ETFBKMT: variants seen among roughly 807,000 people sequenced by gnomAD.
The protein encoded by ETFBKMT is electron transfer flavoprotein subunit beta lysine methyltransferase.
ETFBKMT carries 13 observed loss-of-function variants against 18.3 expected under a neutral mutation model. That is an observed-to-expected ratio of 0.71 (90% CI 0.46 to 1.13). The LOEUF (loss-of-function observed/expected upper bound fraction) is 1.13. Ranked by LOEUF, ETFBKMT falls within the 50% of genes most tolerant of loss-of-function variation. The pLI is 0.00. For missense variants in ETFBKMT, 293 were observed against 306.2 expected (o/e 0.96, Z 0.32); for synonymous variants, 84 against 107.9 (o/e 0.78, Z 1.37).
chr12:31,663,946 C>A (rs936424011), intron 2 of ETFBKMT, among the ~76,000 whole-genome samples: 22 of 151,872 alleles, frequency 1.4e-4, no homozygotes, highest in African/African-American at 5.3e-4. Flanking sequence ...CTACTGCAAC[C>A]CCTTTCCACT....
At chr12:31,658,243 T>C (rs1951078894), upstream of ETFBKMT, among the ~76,000 whole-genome samples, 1 of 152,130 alleles carries the variant, frequency 6.6e-6, no homozygotes. Flanking sequence ...TGTGTGGTAA[T>C]GAAAAGTTAT....
At chr12:31,653,560 G>A (rs954429965) in intron 1 of ETFBKMT, among the ~76,000 whole-genome samples, 4 of 152,244 alleles carry the variant, frequency 2.6e-5, no homozygotes, top group African/African-American at 9.6e-5. Flanking sequence ...CACAGACACG[G>A]TGCCCATAGA....
chr12:31,669,160 G>C lies in ETFBKMT; in HGVS notation c.*1170G>C, dbSNP rs1249231383. On this transcript the variant is annotated 3_prime_UTR_variant, in exon 4 of 4. Transcript: ENST00000357721. ...ATATTACAGGCTAAATTTTCCTCTAGTGTCCTGGCTATTGTCTCCTCTGTT... is the reference window on the plus strand; with the variant it reads ...ATATTACAGGCTAAATTTTCCTCTACTGTCCTGGCTATTGTCTCCTCTGTT... 1 of 152,168 alleles carries C rather than the reference G, an allele frequency of 6.6e-6. No homozygotes were observed. The highest frequency in any genetic ancestry group is 1.5e-5 in the Non-Finnish European group (1 of 68,030). 9.4% of individuals were successfully genotyped at this position (152,168 alleles called of 1,614,324 possible).
At chr12:31,648,130 A>G (rs1006413911) in intron 1 of ETFBKMT, among the ~76,000 whole-genome samples, 1 of 152,226 alleles carries the variant, frequency 6.6e-6, no homozygotes, top group African/African-American at 2.4e-5. Flanking sequence ...TGTTTATCAC[A>G]GATGAATGGA....
At chr12:31,664,893 C>G (rs1256972466) in intron 2 of ETFBKMT, among the ~76,000 whole-genome samples, 15 of 150,090 alleles carry the variant, frequency 1.0e-4, no homozygotes, top group Admixed American at 1.0e-3. Flanking sequence ...GGATTACAGG[C>G]GTGAGCCACC....
intron 1 of ETFBKMT, among the ~76,000 whole-genome samples, chr12:31,654,136 A>G (rs1951040179): frequency 6.6e-6 from 1 of 151,722 alleles, no homozygotes; most frequent in South Asian, 2.1e-4. Context: ...TGCAACCTCC[A>G]CCTCCCGGGT....
intron 1 of ETFBKMT, among the ~76,000 whole-genome samples, chr12:31,653,906 C>T (rs1951038007): frequency 6.6e-6 from 1 of 151,784 alleles, no homozygotes; most frequent in South Asian, 2.1e-4. Flanking sequence ...TGAGATAGCG[C>T]TACTGCACTC....
rs563048607 is a variant in ETFBKMT at position 31,668,315 on chromosome 12, T to C, written c.*325T>C. 37 of 211,812 alleles carry C rather than the reference T, an allele frequency of 1.7e-4. No homozygotes were observed. Among genetic ancestry groups the C allele is most frequent in the Non-Finnish European group, 3.3e-4 (36 of 107,782 alleles). 13.1% of individuals were successfully genotyped at this position (211,812 alleles called of 1,614,324 possible). On this transcript the variant is annotated 3_prime_UTR_variant, in exon 4 of 4. Coordinates refer to ENST00000357721, the MANE Select transcript of ETFBKMT (RefSeq NM_001135863.2). Reference sequence around the variant, plus strand: ...AAGAATTAAACATTGTAGCTGGATCTGTTTCTGTAGTCGAGGACAACTGTG... The same window carrying C: ...AAGAATTAAACATTGTAGCTGGATCCGTTTCTGTAGTCGAGGACAACTGTG...
chr12:31,665,813 T>G (rs1295477759), intron 2 of ETFBKMT, among the ~76,000 whole-genome samples: 1 of 152,272 alleles, frequency 6.6e-6, no homozygotes, highest in Admixed American at 6.5e-5. Flanking sequence ...GAGCATGTCC[T>G]TAAGGCACAG....
At chr12:31,654,981 G>A (rs1195688469), upstream of ETFBKMT, among the ~76,000 whole-genome samples, 5 of 151,786 alleles carry the variant, frequency 3.3e-5, no homozygotes, top group South Asian at 4.2e-4. Context: ...GCTTGAACCC[G>A]GGAGGAGAAG....
At chr12:31,667,368 A>T (rs1392514805) in intron 3 of ETFBKMT, among the ~76,000 whole-genome samples, 1 of 152,052 alleles carries the variant, frequency 6.6e-6, no homozygotes, top group South Asian at 2.1e-4. Flanking sequence ...CAGTAAAAAA[A>T]CAAAATCTTT....
At chr12:31,659,332 T>C (rs1316871182), upstream of ETFBKMT, 1 of 152,234 alleles carries the variant, frequency 6.6e-6, no homozygotes, top group African/African-American at 2.4e-5. Context: ...GCCCTATGCT[T>C]TACTTCCGAG....
upstream of ETFBKMT, chr12:31,659,656 T>G (rs2139617255): frequency 6.6e-6 from 1 of 152,278 alleles, no homozygotes; most frequent in Middle Eastern, 3.4e-3. Flanking sequence ...CGTTGTGTGA[T>G]TCAAGTGACA....
At chr12:31,648,947 G>A (rs1950992415) in intron 1 of ETFBKMT, among the ~76,000 whole-genome samples, 2 of 151,978 alleles carry the variant, frequency 1.3e-5, no homozygotes, top group African/African-American at 4.8e-5. Flanking sequence ...AAAGTGCTGG[G>A]ATTACAGGCA....
chr12:31,661,685 A>T (rs1434171338), intron 1 of ETFBKMT, among the ~76,000 whole-genome samples, 156 bp from the exon 2 acceptor site: 2 of 152,074 alleles, frequency 1.3e-5, no homozygotes, highest in Non-Finnish European at 2.9e-5. Context: ...GGTCTTGAAC[A>T]CCTGACCTCG....
rs183426820 is a variant in ETFBKMT at position 31,651,149 on chromosome 12, T to C, written c.-114+3894T>C. ...GTACGTGCTCTTACACAAGGAACAA[T>C]AGATAAACTGGAAGTCTTACAAGAC... is the stretch of plus-strand genomic sequence containing the variant. On this transcript the variant is annotated intron_variant, in intron 1 of 3. Coordinates refer to the ETFBKMT transcript ENST00000412352. 4.3e-4 allele frequency among the ~76,000 whole-genome samples: 65 copies of C among 152,070 alleles called. 1 individual carries two copies. The highest frequency in any genetic ancestry group is 7.1e-4 in the Non-Finnish European group (48 of 67,974).
chr12:31,655,152 A>G (rs1022755941), upstream of ETFBKMT, among the ~76,000 whole-genome samples: 1 of 152,064 alleles, frequency 6.6e-6, no homozygotes, highest in Non-Finnish European at 1.5e-5. Flanking sequence ...AGCACTGAAT[A>G]TATTCACTAT....
upstream of ETFBKMT, among the ~76,000 whole-genome samples, chr12:31,658,313 G>T (rs1592133590): frequency 6.6e-6 from 1 of 152,198 alleles, no homozygotes; most frequent in East Asian, 1.9e-4. Flanking sequence ...CTCATAAGTG[G>T]ATGAATGCAG....
At chr12:31,648,698 G>A (rs2203986) in intron 1 of ETFBKMT, among the ~76,000 whole-genome samples, 39,279 of 151,354 alleles carry the variant, frequency 0.26, 6,502 homozygotes, top group African/African-American at 0.46. Context: ...GGTAGCTGGG[G>A]CTACAGGGGC....
Sources: allele counts gnomAD v4.1 joint callset (sites outside exome capture counted in the v4.1 genomes callset), GRCh38; gene constraint gnomAD v4.1.1; transcripts MANE v1.5; gene names NCBI Gene and HGNC (gene_info 2026-07-23, HGNC 2026-07-21).